The following JADE1 variants were observed in gnomAD, a reference collection of about 807,000 sequenced individuals.
JADE1 encodes the protein protein Jade-1.
In JADE1, 14 loss-of-function variants were observed where a neutral mutation model predicts 81.8. The ratio of observed to expected loss-of-function variants is 0.17; its 90% confidence interval spans 0.11 to 0.27. The LOEUF is 0.27. JADE1 is among the 10% of genes least tolerant of loss of function. The pLI is 1.00. For synonymous variants in JADE1, 353 were observed against 391.9 expected, an observed-to-expected ratio of 0.90 and a Z score of 1.17; for missense variants, 690 against 1,047.9, an observed-to-expected ratio of 0.66 and a Z score of 4.71.
chr4:128,844,939 A>G (rs751326909), intron 3 of JADE1, among the ~76,000 whole-genome samples: 2 of 152,234 alleles, frequency 1.3e-5, no homozygotes, highest in African/African-American at 4.8e-5. Flanking sequence ...ATATGGACCT[A>G]TTAGCAGGCG....
At chr4:128,842,885 A>G in intron 2 of JADE1, 68 bp from the exon 3 acceptor site, 4 of 1,412,714 alleles carry the variant, frequency 2.8e-6, no homozygotes, top group Non-Finnish European at 3.0e-6. Context: ...TGGGTAAGAA[A>G]ACCCCTGAGA....
chr4:128,820,761 C>T (rs901386738), intron 1 of JADE1, among the ~76,000 whole-genome samples: 7 of 151,786 alleles, frequency 4.6e-5, no homozygotes, highest in Non-Finnish European at 8.8e-5. Flanking sequence ...TAGTTTCTGA[C>T]AACCGGGTAT....
chr4:128,825,083 G>A (rs905295083), intron 1 of JADE1, among the ~76,000 whole-genome samples: 6 of 151,798 alleles, frequency 4.0e-5, no homozygotes, highest in Admixed American at 3.9e-4. Context: ...TATATTGCCC[G>A]GGCTGGGGTG....
At chr4:128,813,546 G>A (rs1726694218) in intron 1 of JADE1, among the ~76,000 whole-genome samples, 1 of 151,480 alleles carries the variant, frequency 6.6e-6, no homozygotes, top group Admixed American at 6.6e-5. Flanking sequence ...AGCCCCCTGA[G>A]TAGCTGGGAC....
intron 9 of JADE1, among the ~76,000 whole-genome samples, chr4:128,866,960 T>TA (rs1491144974): frequency 6.6e-6 from 1 of 152,160 alleles, no homozygotes; most frequent in African/African-American, 2.4e-5. Flanking sequence ...TAGAGACTAA[T>TA]TCTTTAAGTT....
At position 128,831,784 on chromosome 4, in the gene JADE1, G is replaced by C; in HGVS notation, c.26G>C (p.Ser9Thr). Residue 9 changes from serine (S) to threonine (T), a missense_variant, in exon 2 of 11, where the codon AGC (serine) becomes ACC (threonine). By Grantham distance (58) the Ser-to-Thr change is moderately conservative (BLOSUM62 1). Around this residue, in one of 8 missense-constraint regions of JADE1, gnomAD observed 59 missense variants for 52.8 expected, o/e 1.12. Transcript: ENST00000226319. ...ATGAAACGAGGTCGCCTTCCCAGCA[G>C]CAGTGAGGATTCTGACGACAATGGC... MKRGRLPS[S>T]SEDSDDNGSL... The C allele has an allele frequency of 6.2e-7, 1 of 1,614,210 alleles. No homozygotes were observed. The highest frequency in any genetic ancestry group is 1.1e-5 in the South Asian group (1 of 91,090).
chr4:128,835,573 T>C (rs915852154), intron 2 of JADE1, among the ~76,000 whole-genome samples: 2 of 152,172 alleles, frequency 1.3e-5, no homozygotes, highest in African/African-American at 2.4e-5. Flanking sequence ...TAACTGCCCA[T>C]ACTCTGCCTT....
chr4:128,852,326 G>C, intron 6 of JADE1, 58 bp downstream of exon 6: 1 of 1,380,496 alleles, frequency 7.2e-7, no homozygotes, highest in South Asian at 1.2e-5. Context: ...TGTCTGCTGT[G>C]GGAGTGTATG....
Position 128,872,390 on chromosome 4 carries a change from A to G in JADE1, c.*128A>G, listed in dbSNP as rs1257467576. ...ACAAACACATTTACTTGCAATTCAGATTAATTTTTTTCCAGAGTCATTTTT... is the reference window on the plus strand; with the variant it reads ...ACAAACACATTTACTTGCAATTCAGGTTAATTTTTTTCCAGAGTCATTTTT... On this transcript the variant is annotated 3_prime_UTR_variant, in exon 11 of 11. Coordinates refer to ENST00000226319, the MANE Select transcript of JADE1 (RefSeq NM_199320.4). 3 of 794,570 alleles carry G rather than the reference A, an allele frequency of 3.8e-6. No homozygotes were observed. Among genetic ancestry groups the G allele is most frequent in the African/African-American group, 1.7e-5 (1 of 57,280 alleles). The allele number at this position is 794,570 out of a possible 1,614,324, so 49.2% of individuals were successfully genotyped here.
At chr4:128,826,327 C>T (rs766646517) in intron 1 of JADE1, among the ~76,000 whole-genome samples, 6 of 151,950 alleles carry the variant, frequency 3.9e-5, no homozygotes, top group Non-Finnish European at 5.9e-5. Context: ...TTGCAGTGTT[C>T]CCTATACCTA....
At chr4:128,850,100 C>G (rs2125864124) in intron 5 of JADE1, among the ~76,000 whole-genome samples, 1 of 151,984 alleles carries the variant, frequency 6.6e-6, no homozygotes, top group East Asian at 1.9e-4. Flanking sequence ...TCAAGACCAG[C>G]CTGGCAAACA....
intron 5 of JADE1, among the ~76,000 whole-genome samples, chr4:128,850,015 C>T (rs931664624): frequency 6.6e-6 from 1 of 152,152 alleles, no homozygotes; most frequent in South Asian, 2.1e-4. Flanking sequence ...CAAGATCGGC[C>T]GGGCTTGTTG....
At chr4:128,815,999 A>G in intron 1 of JADE1, among the ~76,000 whole-genome samples, 1 of 144,996 alleles carries the variant, frequency 6.9e-6, no homozygotes, top group East Asian at 2.1e-4. Flanking sequence ...AATTGGCACC[A>G]TATTCAACAA....
chr4:128,852,981 C>T (rs1481236441), intron 6 of JADE1, among the ~76,000 whole-genome samples: 3 of 151,526 alleles, frequency 2.0e-5, no homozygotes, highest in Non-Finnish European at 4.4e-5. Context: ...CTGCAACCTC[C>T]GCCTCCTGGG....
Position 128,872,857 on chromosome 4 carries a change from TGAA to T in JADE1, c.*600_*602del, listed in dbSNP as rs1490915914. ...AGAGAATTTTAAAAAAGGTCATTAT[TGAA>T]GAAGCTGAGGGGACAGGGTAGAGCT... On this transcript the variant is annotated 3_prime_UTR_variant, in exon 11 of 11. Transcript: ENST00000226319. 4.4e-6 allele frequency: 2 copies of T among 451,796 alleles called. No homozygotes were observed. Among genetic ancestry groups the T allele is most frequent in the African/African-American group, 4.0e-5 (2 of 49,944 alleles). 28.0% of individuals were successfully genotyped at this position (451,796 alleles called of 1,614,324 possible).
intron 4 of JADE1, 137 bp from the exon 5 acceptor site, chr4:128,848,843 G>C (rs1730094710): frequency 2.7e-6 from 2 of 749,860 alleles, no homozygotes; most frequent in Admixed American, 5.1e-5. Context: ...TATTAGCAGT[G>C]ACATTCAGGT....
At chr4:128,827,880 G>C (rs1331441386) in intron 1 of JADE1, 13 of 985,230 alleles carry the variant, frequency 1.3e-5, no homozygotes, top group Non-Finnish European at 1.6e-5. Context: ...ATGCTACCCA[G>C]AGTAATATGC....
chr4:128,866,221 A>G (rs989382002), intron 9 of JADE1, among the ~76,000 whole-genome samples: 1 of 152,246 alleles, frequency 6.6e-6, no homozygotes, highest in Admixed American at 6.5e-5. Context: ...GCTGATTGAC[A>G]TCCATGTAAT....
intron 1 of JADE1, among the ~76,000 whole-genome samples, chr4:128,830,651 C>T (rs1308184854): frequency 6.6e-6 from 1 of 152,200 alleles, no homozygotes; most frequent in Non-Finnish European, 1.5e-5. Flanking sequence ...CATACTTTTT[C>T]TCACTTGAAA....
Sources: allele counts gnomAD v4.1 joint callset (sites outside exome capture counted in the v4.1 genomes callset), GRCh38; gene constraint gnomAD v4.1.1; regional missense constraint gnomAD v4.1.1; transcripts MANE v1.5; gene names NCBI Gene and HGNC (gene_info 2026-07-23, HGNC 2026-07-21).